Variants in HAUS6 observed in about 807,000 individuals in gnomAD.
The protein encoded by HAUS6 is HAUS augmin like complex subunit 6.
HAUS6 carries 80 observed loss-of-function variants against 106.8 expected under a neutral mutation model. The observed-to-expected ratio is 0.75, with a 90% CI of 0.63 to 0.90. HAUS6 has a LOEUF of 0.90. Among genes scored for constraint, HAUS6 ranks in the 40% least tolerant of loss-of-function variants. HAUS6 has a pLI of 0.00. For missense variants in HAUS6, 1,155 were observed against 1,118.1 expected, an observed-to-expected ratio of 1.03 and a Z score of -0.47; for synonymous variants, 356 against 379.1, an observed-to-expected ratio of 0.94 and a Z score of 0.71.
In HAUS6 at chr9:19,060,230, C is replaced by T. The variant is rs1836577866; in HGVS notation, c.1630-7G>A. ...ATAAAACTGCTCTGGCAACCTAAAA[C>T]AGAAAAGAAAAAGTAAAGCAAAGAT... On this transcript the variant is annotated splice_region_variant and splice_polypyrimidine_tract_variant and intron_variant, in intron 14 of 16. Coordinates refer to ENST00000380502, the MANE Select transcript of HAUS6 (RefSeq NM_017645.5). 1.3e-6 allele frequency: 2 copies of T among 1,517,880 alleles called. No individual in the cohort carries two copies. The highest frequency in any genetic ancestry group is 1.3e-5 in the South Asian group (1 of 76,270). The allele number at this position is 1,517,880 out of a possible 1,614,324, so 94.0% of individuals were successfully genotyped here. A position where few individuals can be genotyped will look rare whatever the true frequency, so the allele number is the denominator to read the frequency against.
intron 11 of HAUS6, among the ~76,000 whole-genome samples, chr9:19,075,716 G>C (rs909800530): frequency 1.3e-5 from 2 of 152,180 alleles, no homozygotes; most frequent in Non-Finnish European, 2.9e-5. Context: ...CACTTTGGGA[G>C]GCCAAGGCGG....
intron 11 of HAUS6, among the ~76,000 whole-genome samples, chr9:19,074,666 A>G (rs543099643): frequency 6.6e-6 from 1 of 152,092 alleles, no homozygotes; most frequent in Non-Finnish European, 1.5e-5. Context: ...TCCTCCCCAA[A>G]TACACCTGAC....
intron 1 of HAUS6, among the ~76,000 whole-genome samples, chr9:19,098,953 C>T (rs1424729350): frequency 8.7e-6 from 1 of 115,112 alleles, no homozygotes; most frequent in Non-Finnish European, 1.7e-5. Context: ...ACCTGGGAGG[C>T]GGAGGTTGCG....
At chr9:19,100,425 A>T (rs1817963627) in intron 1 of HAUS6, among the ~76,000 whole-genome samples, 1 of 152,232 alleles carries the variant, frequency 6.6e-6, no homozygotes, top group Non-Finnish European at 1.5e-5. Context: ...TTTAAAGTGG[A>T]CATGTGTTAC....
chr9:19,068,893 A>G (rs1274471323), intron 12 of HAUS6, among the ~76,000 whole-genome samples: 1 of 152,216 alleles, frequency 6.6e-6, no homozygotes, highest in African/African-American at 2.4e-5. Flanking sequence ...AAAAGGCAAT[A>G]AAGAAAATAG....
chr9:19,062,839 A>T (rs1836659907), intron 14 of HAUS6, among the ~76,000 whole-genome samples, 169 bp downstream of exon 14: 1 of 151,920 alleles, frequency 6.6e-6, no homozygotes, highest in Non-Finnish European at 1.5e-5. Context: ...CTGTTTTTTT[A>T]ATTTTTTTGT....
In HAUS6 at chr9:19,062,048, CAT is replaced by C. The variant is rs1214215794; in HGVS notation, c.1629+958_1629+959del. ...CAATGCTAAAGCATGTTGTGGAAAA[CAT>C]GTACTAAAAATAACATTAGCAAATA... On this transcript the variant is annotated intron_variant, in intron 14 of 16. Transcript: ENST00000380502. Among the ~76,000 whole-genome samples the C allele has an allele frequency of 2.6e-5, 4 of 152,184 alleles. No individual in the cohort carries two copies. The East Asian group carries it at 5.8e-4, about 22-fold the overall frequency.
intron 3 of HAUS6, among the ~76,000 whole-genome samples, chr9:19,093,813 G>A (rs889371295): frequency 2.6e-4 from 40 of 152,134 alleles, no homozygotes; most frequent in African/African-American, 8.2e-4. Context: ...AGGTTGCAGT[G>A]AGCCAAGATT....
intron 10 of HAUS6, among the ~76,000 whole-genome samples, 178 bp downstream of exon 10, chr9:19,077,998 T>G (rs1837048177): frequency 1.3e-5 from 2 of 151,770 alleles, no homozygotes; most frequent in African/African-American, 2.4e-5. Context: ...AAGTTCAAGG[T>G]TACAACAAGC....
chr9:19,069,063 A>G (rs1461134833), intron 12 of HAUS6, among the ~76,000 whole-genome samples: 3 of 152,180 alleles, frequency 2.0e-5, no homozygotes, highest in Non-Finnish European at 4.4e-5. Context: ...ATAAAAGAGC[A>G]AGTTGCCCAA....
intron 9 of HAUS6, among the ~76,000 whole-genome samples, chr9:19,078,736 C>T (rs1837067281): frequency 6.6e-6 from 1 of 151,122 alleles, no homozygotes; most frequent in East Asian, 1.9e-4. Context: ...TGCAGTGAGC[C>T]GAGATCGTGC....
At chr9:19,098,825 C>A (rs1817920320) in intron 1 of HAUS6, among the ~76,000 whole-genome samples, 1 of 151,946 alleles carries the variant, frequency 6.6e-6, no homozygotes, top group African/African-American at 2.4e-5. Flanking sequence ...GAGTTCGAGA[C>A]CAGCCTGACC....
At chr9:19,078,937 A>G (rs11788977) in intron 9 of HAUS6, among the ~76,000 whole-genome samples, 5,843 of 149,228 alleles carry the variant, frequency 0.039, 125 homozygotes, top group Non-Finnish European at 0.051. Flanking sequence ...GGTGGATCAC[A>G]TGAGGTCAGG....
chr9:19,054,290 A>G lies in HAUS6; in HGVS notation c.*2053T>C, dbSNP rs983739507. 4 of 152,198 alleles carry G rather than the reference A, an allele frequency of 2.6e-5. No individual in the cohort carries two copies. Among genetic ancestry groups the G allele is most frequent in the African/African-American group, 7.2e-5 (3 of 41,446 alleles). 9.4% of individuals were successfully genotyped at this position (152,198 alleles called of 1,614,324 possible). A position where few individuals can be genotyped will look rare whatever the true frequency, so the allele number is the denominator to read the frequency against. ...TTACATGCCTTTAAATTTGAACTCTATTTTAGAATTAACAATGAACAATCA... is the reference window on the plus strand; with the variant it reads ...TTACATGCCTTTAAATTTGAACTCTGTTTTAGAATTAACAATGAACAATCA... On this transcript the variant is annotated 3_prime_UTR_variant, in exon 17 of 17. Transcript: ENST00000380502.
intron 12 of HAUS6, among the ~76,000 whole-genome samples, chr9:19,068,670 G>C (rs1020322407): frequency 1.3e-5 from 2 of 151,090 alleles, no homozygotes; most frequent in Non-Finnish European, 2.9e-5. Context: ...TCATCTACTT[G>C]GGGAAGTTGT....
chr9:19,070,335 A>T (rs371512316), intron 11 of HAUS6, 35 bp from the exon 12 acceptor site: 2 of 1,083,452 alleles, frequency 1.8e-6, no homozygotes, highest in African/African-American at 3.1e-5. Flanking sequence ...CTCTTTAATT[A>T]TGTTTGTACA....
intron 12 of HAUS6, among the ~76,000 whole-genome samples, chr9:19,065,795 C>T (rs1564009331): frequency 2.0e-5 from 3 of 152,012 alleles, no homozygotes; most frequent in African/African-American, 7.2e-5. Flanking sequence ...GAGCCGAGAT[C>T]GTGCCATTGC....
At position 19,054,703 on chromosome 9, in the gene HAUS6, A is replaced by G. The variant is rs1588588720; in HGVS notation, c.*1640T>C. ...TATGCAACAACGTACCTGCTTCTTA[A>G]AAGTACCACAGGGTTAAATGTGAAT... On this transcript the variant is annotated 3_prime_UTR_variant, in exon 17 of 17. Coordinates refer to ENST00000380502, the MANE Select transcript of HAUS6 (RefSeq NM_017645.5). The G allele has an allele frequency of 1.3e-5, 2 of 152,326 alleles. No individual in the cohort carries two copies. Among genetic ancestry groups the G allele is most frequent in the Non-Finnish European group, 2.9e-5 (2 of 68,024 alleles). The allele number at this position is 152,326 out of a possible 1,614,324, so 9.4% of individuals were successfully genotyped here. A position where few individuals can be genotyped will look rare whatever the true frequency, so the allele number is the denominator to read the frequency against.
intron 11 of HAUS6, among the ~76,000 whole-genome samples, chr9:19,071,922 G>C (rs1335626632): frequency 1.3e-5 from 2 of 152,026 alleles, no homozygotes; most frequent in Non-Finnish European, 2.9e-5. Context: ...ACTATAAATG[G>C]GCCGAGCCCA....
Sources: allele counts gnomAD v4.1 joint callset (sites outside exome capture counted in the v4.1 genomes callset), GRCh38; gene constraint gnomAD v4.1.1; transcripts MANE v1.5; gene names NCBI Gene and HGNC (gene_info 2026-07-23, HGNC 2026-07-21).